RAD51B: variants seen among roughly 807,000 people sequenced by gnomAD.
The protein encoded by RAD51B is DNA repair protein RAD51 homolog 2.
In RAD51B, 38 loss-of-function variants were observed where a neutral mutation model predicts 42.2. The observed-to-expected ratio is 0.90, with a 90% CI of 0.70 to 1.18. The LOEUF (loss-of-function observed/expected upper bound fraction) is 1.18. Among genes scored for constraint, RAD51B ranks in the 50% most tolerant of loss-of-function variants. The pLI is 0.00. For missense variants in RAD51B, 373 were observed against 400.7 expected (o/e 0.93, Z 0.59); for synonymous variants, 154 against 145.2 (o/e 1.06, Z -0.43).
At chr14:68,308,182 T>A (rs2081905125) in intron 8 of RAD51B, among the ~76,000 whole-genome samples, 1 of 152,206 alleles carries the variant, frequency 6.6e-6, no homozygotes, top group Non-Finnish European at 1.5e-5. Flanking sequence ...TTTTTTGCCC[T>A]GAAGGACCCT....
In RAD51B at chr14:68,497,954, A is replaced by C. The variant is rs1594914766; in HGVS notation, c.1036+29704A>C. The C allele has an allele frequency of 2.2e-5, 4 of 184,004 alleles. No homozygotes were observed. The East Asian group carries it at 3.5e-4, about 16-fold the overall frequency. 11.4% of individuals were successfully genotyped at this position (184,004 alleles called of 1,614,324 possible). ...TGGTTCCACCCTTCAACTATTGTGA[A>C]TATTGTACTGCTATGAACTTGCATA... On this transcript the variant is annotated intron_variant, in intron 10 of 10. Transcript: ENST00000487270.
intron 9 of RAD51B, among the ~76,000 whole-genome samples, chr14:68,421,145 C>T (rs1273681765): frequency 6.6e-6 from 1 of 152,186 alleles, no homozygotes; most frequent in Non-Finnish European, 1.5e-5. Context: ...TTGCTCTAGG[C>T]ATTATTTGAC....
intron 8 of RAD51B, among the ~76,000 whole-genome samples, chr14:68,410,140 C>T (rs1453786034): frequency 6.6e-6 from 1 of 152,156 alleles, no homozygotes; most frequent in South Asian, 2.1e-4. Flanking sequence ...AGCAGCATCA[C>T]CAGCCTCTAC....
At chr14:68,440,753 A>AAAAGAAAG (rs548379344) in intron 9 of RAD51B, among the ~76,000 whole-genome samples, 4 of 152,006 alleles carry the variant, frequency 2.6e-5, no homozygotes, top group African/African-American at 9.7e-5. Flanking sequence ...TCTCAAAAAA[A>AAAAGAAAG]AAAGAAAGAA....
chr14:68,380,502 G>A (rs2083458706), intron 8 of RAD51B, among the ~76,000 whole-genome samples: 2 of 152,176 alleles, frequency 1.3e-5, no homozygotes, highest in Admixed American at 1.3e-4. Context: ...TCCTCAGGAT[G>A]TCAGTGTGTG....
intron 10 of RAD51B, chr14:68,497,238 C>A (rs2140292683): frequency 7.3e-7 from 1 of 1,363,908 alleles, no homozygotes; most frequent in Non-Finnish European, 9.7e-7. Context: ...GGTGAAACAC[C>A]CATCGTTCTC....
intron 7 of RAD51B, among the ~76,000 whole-genome samples, chr14:68,199,796 G>A (rs1856132751): frequency 6.6e-6 from 1 of 152,162 alleles, no homozygotes; most frequent in South Asian, 2.1e-4. Flanking sequence ...TAAGCCAAGG[G>A]AACATCCAGC....
Position 67,821,892 on chromosome 14 carries a change from A to G in RAD51B, c.-2-1650A>G, listed in dbSNP as rs553538651. ...TATAGCAGGTATCACTTGGTTTTCT[A>G]CTGGGGGAAACAAGTCATTGCTAAC... On this transcript the variant is annotated intron_variant, in intron 1 of 10. Coordinates refer to ENST00000471583, the MANE Select transcript of RAD51B (RefSeq NM_133510.4). Among the ~76,000 whole-genome samples the G allele has an allele frequency of 2.0e-5, 3 of 152,136 alleles. No individual in the cohort carries two copies. The South Asian group carries it at 6.2e-4, about 31-fold the overall frequency.
intron 7 of RAD51B, among the ~76,000 whole-genome samples, chr14:68,191,065 T>G (rs1316606470): frequency 6.6e-6 from 1 of 152,204 alleles, no homozygotes; most frequent in Admixed American, 6.5e-5. Context: ...ATATCCTTTC[T>G]TAAAAGAATG....
chr14:68,514,244 TC>T (rs1885967626), intron 10 of RAD51B, among the ~76,000 whole-genome samples: 1 of 152,198 alleles, frequency 6.6e-6, no homozygotes, highest in Non-Finnish European at 1.5e-5. Context: ...CATGAGAACT[TC>T]CTTACCAACC....
intron 10 of RAD51B, among the ~76,000 whole-genome samples, chr14:68,504,771 A>G (rs1390904647): frequency 1.4e-5 from 2 of 139,600 alleles, no homozygotes; most frequent in Non-Finnish European, 3.0e-5. Context: ...ATGGCTCTCC[A>G]TTGCCAAATA....
At chr14:68,384,987 A>G (rs902184520) in intron 8 of RAD51B, among the ~76,000 whole-genome samples, 1 of 152,242 alleles carries the variant, frequency 6.6e-6, no homozygotes, top group Non-Finnish European at 1.5e-5. Flanking sequence ...AGAGTTACAC[A>G]GCACGACGAC....
At chr14:68,184,236 T>G (rs189903118) in intron 7 of RAD51B, among the ~76,000 whole-genome samples, 6 of 152,138 alleles carry the variant, frequency 3.9e-5, no homozygotes, top group Admixed American at 3.9e-4. Context: ...TGAGATTTTT[T>G]AAAAAAAGTT....
chr14:68,207,101 T>C (rs1055813045), intron 7 of RAD51B, among the ~76,000 whole-genome samples: 14 of 152,152 alleles, frequency 9.2e-5, no homozygotes, highest in African/African-American at 3.4e-4. Context: ...CCCCAGTTCT[T>C]TTCTGGTGGA....
At chr14:68,059,184 C>T (rs999050931) in intron 7 of RAD51B, among the ~76,000 whole-genome samples, 1 of 152,120 alleles carries the variant, frequency 6.6e-6, no homozygotes. Flanking sequence ...TTTCCATTTC[C>T]ACTGCCACTG....
At chr14:68,122,629 A>G (rs1298948601) in intron 7 of RAD51B, among the ~76,000 whole-genome samples, 3 of 152,194 alleles carry the variant, frequency 2.0e-5, no homozygotes, top group African/African-American at 7.2e-5. Flanking sequence ...GTGAAGGCCA[A>G]TCTATAAAAA....
At chr14:68,571,318 A>G (rs1259444731) in intron 10 of RAD51B, among the ~76,000 whole-genome samples, 2 of 152,240 alleles carry the variant, frequency 1.3e-5, no homozygotes, top group African/African-American at 4.8e-5. Context: ...AATTACCTGT[A>G]TAATCCTGGA....
intron 7 of RAD51B, among the ~76,000 whole-genome samples, chr14:67,917,387 A>AAG (rs2044189021): frequency 6.6e-6 from 1 of 152,162 alleles, no homozygotes. Context: ...AAGCAAGAGC[A>AAG]AGAGAGAGAG....
chr14:68,636,839 G>C (rs1468414188), intron 10 of RAD51B, among the ~76,000 whole-genome samples: 1 of 152,148 alleles, frequency 6.6e-6, no homozygotes, highest in Non-Finnish European at 1.5e-5. Context: ...CAAAGCAGGA[G>C]GACGGCGGCC....
Sources: allele counts gnomAD v4.1 joint callset (sites outside exome capture counted in the v4.1 genomes callset), GRCh38; gene constraint gnomAD v4.1.1; transcripts MANE v1.5; gene names NCBI Gene and HGNC (gene_info 2026-07-23, HGNC 2026-07-21).